GSE1: variants seen among roughly 807,000 people sequenced by gnomAD.
GSE1 encodes the protein Gse1 coiled-coil protein, also known as genetic suppressor element 1.
GSE1 carries 32 observed loss-of-function variants against 112.6 expected under a neutral mutation model. That is an observed-to-expected ratio of 0.28 (90% CI 0.21 to 0.38). The LOEUF is 0.38. Ranked by LOEUF, GSE1 falls within the 10% of genes least tolerant of loss-of-function variation. GSE1 has a pLI of 1.00. For synonymous variants in GSE1, 1,115 were observed against 735.6 expected, an observed-to-expected ratio of 1.52 and a Z score of -8.35; for missense variants, 2,348 against 1,699.2, an observed-to-expected ratio of 1.38 and a Z score of -6.71.
intron 2 of GSE1, among the ~76,000 whole-genome samples, chr16:85,538,658 G>A (rs1249796655): frequency 1.3e-5 from 2 of 152,148 alleles, no homozygotes; most frequent in African/African-American, 2.4e-5. Context: ...GGCCCCTGTG[G>A]GGAGGAAGTG....
chr16:85,304,077 C>T (rs993301949), intron 1 of GSE1, among the ~76,000 whole-genome samples: 6 of 152,248 alleles, frequency 3.9e-5, no homozygotes, highest in African/African-American at 7.2e-5. Context: ...CCCTTGGCCT[C>T]CTGAGGTCCC....
chr16:85,414,963 G>C (rs953054518), intron 2 of GSE1, among the ~76,000 whole-genome samples: 2 of 152,068 alleles, frequency 1.3e-5, no homozygotes, highest in Non-Finnish European at 2.9e-5. Flanking sequence ...ATTTACTTTT[G>C]ATACAGGGTC....
At chr16:85,206,834 G>A in intron 1 of GSE1, among the ~76,000 whole-genome samples, 1 of 111,428 alleles carries the variant, frequency 9.0e-6, no homozygotes, top group South Asian at 2.8e-4. Context: ...CAGCTTCCCT[G>A]CCCACCGCCC....
rs141337269 is a variant in GSE1 at position 85,381,348 on chromosome 16, G to T, written c.2464+23705G>T. ...TGGATAGACCCCATGTTATGTATTT[G>T]TCCTTCTGTTGGTGACACTTGGGCT... is the stretch of plus-strand genomic sequence containing the variant. On this transcript the variant is annotated intron_variant, in intron 2 of 2. Transcript: ENST00000637419. Among the ~76,000 whole-genome samples the T allele has an allele frequency of 3.9e-5, 6 of 152,272 alleles. No homozygotes were observed. In the East Asian group the frequency reaches 9.6e-4, roughly 24 times the overall value.
At chr16:85,505,227 A>G (rs538606870) in intron 2 of GSE1, among the ~76,000 whole-genome samples, 35 of 152,270 alleles carry the variant, frequency 2.3e-4, no homozygotes, top group African/African-American at 8.2e-4. Flanking sequence ...GATGAGCTGC[A>G]TCTGCTGATG....
At chr16:85,574,728 C>T (rs929846895) in intron 1 of GSE1, among the ~76,000 whole-genome samples, 14 of 152,250 alleles carry the variant, frequency 9.2e-5, no homozygotes, top group Non-Finnish European at 7.3e-5. Context: ...GTCCTGTCCG[C>T]TGGTGGCTCT....
chr16:85,522,896 A>T (rs536278184), intron 2 of GSE1, among the ~76,000 whole-genome samples: 1 of 151,120 alleles, frequency 6.6e-6, no homozygotes, highest in African/African-American at 2.4e-5. Flanking sequence ...TGTGTGTTGT[A>T]TGTGTGACTT....
At chr16:85,506,227 C>G (rs897860062) in intron 2 of GSE1, among the ~76,000 whole-genome samples, 1 of 152,230 alleles carries the variant, frequency 6.6e-6, no homozygotes, top group African/African-American at 2.4e-5. Context: ...TCACCGCCAG[C>G]CACATGTGGC....
At chr16:85,221,125 T>A (rs995931512) in intron 1 of GSE1, among the ~76,000 whole-genome samples, 1 of 151,748 alleles carries the variant, frequency 6.6e-6, no homozygotes, top group Non-Finnish European at 1.5e-5. Flanking sequence ...GGTCAAGCGG[T>A]GCAGCCCCCG....
At chr16:85,304,596 G>A (rs1000790815) in intron 1 of GSE1, among the ~76,000 whole-genome samples, 7 of 106,318 alleles carry the variant, frequency 6.6e-5, no homozygotes, top group African/African-American at 1.8e-4. Flanking sequence ...CTGCCAAGCC[G>A]GGGGCGGGGG....
chr16:85,603,535 G>A (rs757154013), intron 1 of GSE1, among the ~76,000 whole-genome samples: 2 of 152,188 alleles, frequency 1.3e-5, no homozygotes, highest in African/African-American at 2.4e-5. Flanking sequence ...GGGTCTCACT[G>A]TGTCGCCCAG....
chr16:85,474,804 G>T (rs371100684), intron 2 of GSE1, among the ~76,000 whole-genome samples: 2 of 152,086 alleles, frequency 1.3e-5, no homozygotes, highest in Non-Finnish European at 2.9e-5. Context: ...GCCTGGAGAA[G>T]AAAGATGCCA....
intron 2 of GSE1, among the ~76,000 whole-genome samples, chr16:85,647,273 C>T (rs900505695): frequency 2.0e-5 from 3 of 152,168 alleles, no homozygotes; most frequent in Non-Finnish European, 2.9e-5. Context: ...CCCCTGCTAC[C>T]CGCGGGGCTG....
intron 10 of GSE1, 68 bp from the exon 11 acceptor site, chr16:85,663,276 A>T: frequency 6.5e-7 from 1 of 1,541,252 alleles, no homozygotes; most frequent in Non-Finnish European, 8.9e-7. Context: ...CCAGGAGGGG[A>T]CCCCGGGACA....
chr16:85,188,235 C>G (rs2074748346), intron 1 of GSE1, among the ~76,000 whole-genome samples: 1 of 151,418 alleles, frequency 6.6e-6, no homozygotes, highest in Admixed American at 6.6e-5. Context: ...CTGCTGGGCA[C>G]TGGGCAGCAG....
chr16:85,502,497 A>C (rs2051403023), intron 2 of GSE1, among the ~76,000 whole-genome samples: 1 of 152,166 alleles, frequency 6.6e-6, no homozygotes, highest in African/African-American at 2.4e-5. Flanking sequence ...ATTACCGGTG[A>C]GTGAGATTCT....
At chr16:85,606,637 C>T (rs2047715183), upstream of GSE1, among the ~76,000 whole-genome samples, 1 of 152,236 alleles carries the variant, frequency 6.6e-6, no homozygotes, top group Non-Finnish European at 1.5e-5. Flanking sequence ...AGGCCCACCA[C>T]CAGGGTGCAG....
At chr16:85,184,996 C>G (rs534751491) in intron 1 of GSE1, 4 of 152,292 alleles carry the variant, frequency 2.6e-5, no homozygotes, top group African/African-American at 9.6e-5. Context: ...TTGTGTGTGT[C>G]TATCAGTTGC....
intron 1 of GSE1, among the ~76,000 whole-genome samples, chr16:85,616,203 T>C (rs1027826743): frequency 9.2e-5 from 14 of 152,284 alleles, no homozygotes; most frequent in African/African-American, 2.6e-4. Flanking sequence ...CAAATTCCCC[T>C]TGAGCCCCTG....
Sources: allele counts gnomAD v4.1 joint callset (sites outside exome capture counted in the v4.1 genomes callset), GRCh38; gene constraint gnomAD v4.1.1; transcripts MANE v1.5; gene names NCBI Gene and HGNC (gene_info 2026-07-23, HGNC 2026-07-21).